The following LRRTM3 variants were observed in gnomAD, a reference collection of about 807,000 sequenced individuals.
The protein encoded by LRRTM3 is leucine rich repeat transmembrane neuronal 3.
LRRTM3 carries 24 observed loss-of-function variants against 44.7 expected under a neutral mutation model. That is an observed-to-expected ratio of 0.54 (90% CI 0.39 to 0.76). The LOEUF is 0.76. LRRTM3 is among the 30% of genes least tolerant of loss of function. The pLI, the probability that LRRTM3 is intolerant of heterozygous loss-of-function variation, is 0.00. For synonymous variants in LRRTM3, 277 were observed against 278.7 expected (o/e 0.99, Z 0.06); for missense variants, 587 against 702.2 (o/e 0.84, Z 1.85).
intron 2 of LRRTM3, among the ~76,000 whole-genome samples, chr10:67,094,299 C>A (rs996522351): frequency 2.0e-4 from 31 of 151,658 alleles, no homozygotes. Flanking sequence ...GATATTCTAA[C>A]GAAATAAGTA....
rs1450658750 is a variant in LRRTM3, at chr10:67,100,358, C to T, written c.*2562C>T. Among the ~76,000 whole-genome samples the T allele has an allele frequency of 6.6e-6, 1 of 151,380 alleles. No individual in the cohort carries two copies. Among genetic ancestry groups the T allele is most frequent in the Non-Finnish European group, 1.5e-5 (1 of 67,684 alleles). ...TAAATTCAACCAAAAGGGTCTTTAG[C>T]AAGAAAAAAAATGCTGGATGATGAT... On this transcript the variant is annotated 3_prime_UTR_variant, in exon 3 of 3. Transcript: ENST00000361320.
At position 67,005,882 on chromosome 10, in the gene LRRTM3, C is replaced by T. The variant is rs568202296; in HGVS notation, c.1536+77430C>T. On this transcript the variant is annotated intron_variant, in intron 2 of 2. Coordinates refer to ENST00000361320, the MANE Select transcript of LRRTM3 (RefSeq NM_178011.5). ...TCTATTTTTAGTAGAGGCAGGGTAT[C>T]ACCATGTTGGCTAGGCTGGTCTCAA... Among the ~76,000 whole-genome samples the T allele has an allele frequency of 4.0e-5, 6 of 151,578 alleles. No individual in the cohort carries two copies. The South Asian group carries it at 8.4e-4, about 21-fold the overall frequency.
chr10:66,957,628 A>T (rs893332708), intron 2 of LRRTM3, among the ~76,000 whole-genome samples: 16 of 151,914 alleles, frequency 1.1e-4, no homozygotes, highest in Non-Finnish European at 1.9e-4. Context: ...TGATACACTC[A>T]AAAGGAGTGA....
rs116007222 is a variant in LRRTM3 at position 67,085,032 on chromosome 10, C to T, written c.1537-12555C>T. ...ATCCTAATGATACTGAAGATCTTAA[C>T]CTTGAGCTTCAAATTTGCTGTCCAA... is the stretch of plus-strand genomic sequence containing the variant. On this transcript the variant is annotated intron_variant, in intron 2 of 2. Coordinates refer to ENST00000361320, the MANE Select transcript of LRRTM3 (RefSeq NM_178011.5). Among the ~76,000 whole-genome samples, 544 of 151,954 alleles carry T rather than the reference C, an allele frequency of 3.6e-3. 3 individuals are homozygous for T. The highest frequency in any genetic ancestry group is 0.012 in the African/African-American group (500 of 41,516).
intron 2 of LRRTM3, among the ~76,000 whole-genome samples, chr10:67,000,403 G>T (rs1367800274): frequency 1.3e-5 from 2 of 152,174 alleles, no homozygotes; most frequent in African/African-American, 2.4e-5. Context: ...AAATGCAGGA[G>T]AAATGAAACC....
At position 66,978,958 on chromosome 10, in the gene LRRTM3, TC is replaced by T. The variant is rs1402618583; in HGVS notation, c.1536+50508del. On this transcript the variant is annotated intron_variant, in intron 2 of 2. Coordinates refer to ENST00000361320, the MANE Select transcript of LRRTM3 (RefSeq NM_178011.5). ...AATAGCCACTCCTCACATACTTATT[TC>T]CTTTTTTTTTTTTTTTTTTTTTTTT... Among the ~76,000 whole-genome samples, 579 of 143,372 alleles carry T rather than the reference TC, an allele frequency of 4.0e-3. 6 individuals are homozygous for T. The highest frequency in any genetic ancestry group is 0.014 in the African/African-American group (558 of 39,302). The allele number at this position is 143,372 out of a possible 152,430, so 94.1% of individuals were successfully genotyped here.
intron 2 of LRRTM3, among the ~76,000 whole-genome samples, chr10:66,998,435 T>C (rs1227278345): frequency 6.6e-6 from 1 of 152,042 alleles, no homozygotes; most frequent in Non-Finnish European, 1.5e-5. Flanking sequence ...ACCCAATAAA[T>C]ACAAAGGGAC....
At chr10:67,028,085 G>A (rs947171750) in intron 2 of LRRTM3, among the ~76,000 whole-genome samples, 2 of 152,114 alleles carry the variant, frequency 1.3e-5, no homozygotes, top group East Asian at 1.9e-4. Flanking sequence ...TGCTATATTC[G>A]TTTATTCTTC....
Position 66,928,456 on chromosome 10 carries a change from T to C in LRRTM3, c.1536+4T>C. On this transcript the variant is annotated splice_donor_region_variant and intron_variant, in intron 2 of 2. Coordinates refer to ENST00000361320, the MANE Select transcript of LRRTM3 (RefSeq NM_178011.5). ...ATCGGGCTCCAGGGAGTGTGAGGTA[T>C]GAACCATTGTGATAAAAAGAGCTCT... is the stretch of plus-strand genomic sequence containing the variant. The C allele has an allele frequency of 6.3e-7, 1 of 1,579,972 alleles. No homozygotes were observed. Among genetic ancestry groups the C allele is most frequent in the Non-Finnish European group, 8.6e-7 (1 of 1,167,160 alleles).
chr10:67,040,348 C>G (rs1448334726), intron 2 of LRRTM3, among the ~76,000 whole-genome samples: 1 of 152,058 alleles, frequency 6.6e-6, no homozygotes, highest in East Asian at 1.9e-4. Flanking sequence ...GAGAGAACAA[C>G]CTCAGTAGTA....
intron 2 of LRRTM3, among the ~76,000 whole-genome samples, chr10:66,948,095 C>G (rs1848365356): frequency 1.3e-5 from 2 of 152,168 alleles, no homozygotes. Flanking sequence ...AACACAATAT[C>G]ATAACTTGTG....
intron 2 of LRRTM3, among the ~76,000 whole-genome samples, chr10:66,994,904 A>C (rs1390368450): frequency 1.3e-5 from 2 of 152,202 alleles, no homozygotes; most frequent in Non-Finnish European, 1.5e-5. Flanking sequence ...ACCCAAATGC[A>C]ACAAGTGGAA....
At position 66,989,825 on chromosome 10, in the gene LRRTM3, T is replaced by C. The variant is rs922253485; in HGVS notation, c.1536+61373T>C. 9.2e-5 allele frequency among the ~76,000 whole-genome samples: 14 copies of C among 152,148 alleles called. 1 individual carries two copies. The East Asian group carries it at 1.9e-3, about 21-fold the overall frequency. ...CATCCAGGAAACAGACTTGAGTGCT[T>C]TTATTATCCACTAGAGTAGATCTCA... On this transcript the variant is annotated intron_variant, in intron 2 of 2. Coordinates refer to ENST00000361320, the MANE Select transcript of LRRTM3 (RefSeq NM_178011.5).
At chr10:67,094,249 A>G (rs975081684) in intron 2 of LRRTM3, among the ~76,000 whole-genome samples, 1 of 151,916 alleles carries the variant, frequency 6.6e-6, no homozygotes, top group East Asian at 1.9e-4. Flanking sequence ...TTTTTATTAC[A>G]TTTAAGAATC....
At chr10:66,947,435 G>T (rs1237959215) in intron 2 of LRRTM3, among the ~76,000 whole-genome samples, 1 of 152,148 alleles carries the variant, frequency 6.6e-6, no homozygotes, top group African/African-American at 2.4e-5. Context: ...CATGGGGAAA[G>T]GGGAATGGTT....
chr10:67,025,130 AAAAAC>A (rs1346863706), intron 2 of LRRTM3, among the ~76,000 whole-genome samples: 40 of 48,822 alleles, frequency 8.2e-4, no homozygotes, highest in Non-Finnish European at 1.3e-3. Flanking sequence ...AAACTCTGTC[AAAAAC>A]AAAAAAAAAA....
At position 66,926,944 on chromosome 10, in the gene LRRTM3, A is replaced by T. The variant is rs1169631471; in HGVS notation, c.28A>T (p.Ser10Cys). ...AGGTTTCAATGTAATTAGGCTACTG[A>T]GCGGATCAGCTGTAGCACTGGTTAT... MGFNVIRLL[S>C]GSAVALVIAP... Residue 10 changes from serine (S) to cysteine (C), a missense_variant, in exon 2 of 3, where the codon AGC (serine) becomes TGC (cysteine). Ser to Cys is a moderately radical substitution (Grantham distance 112). This residue lies in a region of LRRTM3 where 50 missense variants were observed against 43.4 expected (regional missense o/e 1.15). Coordinates refer to ENST00000361320, the MANE Select transcript of LRRTM3 (RefSeq NM_178011.5). 1.2e-6 allele frequency: 2 copies of T among 1,600,146 alleles called. No individual in the cohort carries two copies. Among genetic ancestry groups the T allele is most frequent in the Non-Finnish European group, 1.7e-6 (2 of 1,173,680 alleles).
chr10:67,039,688 A>C (rs1249590562), intron 2 of LRRTM3, among the ~76,000 whole-genome samples: 2 of 152,156 alleles, frequency 1.3e-5, no homozygotes, highest in African/African-American at 4.8e-5. Context: ...TTATGTAAAC[A>C]GTTAAGTAAA....
At chr10:66,938,893 C>T (rs763644721) in intron 2 of LRRTM3, among the ~76,000 whole-genome samples, 4 of 152,100 alleles carry the variant, frequency 2.6e-5, no homozygotes, top group Admixed American at 6.6e-5. Context: ...AGGTAGTCAA[C>T]GTTTGTTTAA....
Sources: allele counts gnomAD v4.1 joint callset (sites outside exome capture counted in the v4.1 genomes callset), GRCh38; gene constraint gnomAD v4.1.1; regional missense constraint gnomAD v4.1.1; transcripts MANE v1.5; gene names NCBI Gene and HGNC (gene_info 2026-07-23, HGNC 2026-07-21).